AKAP13: variants seen among roughly 807,000 people sequenced by gnomAD.
AKAP13 encodes the protein A-kinase anchor protein 13.
A neutral mutation model predicts 264.5 loss-of-function variants in AKAP13; 80 were observed. That is an observed-to-expected ratio of 0.30 (90% CI 0.25 to 0.36). The LOEUF (loss-of-function observed/expected upper bound fraction) is 0.36, where lower values mean the gene tolerates loss of function less well. Among genes scored for constraint, AKAP13 ranks in the 10% least tolerant of loss-of-function variants. The pLI, the probability that AKAP13 is intolerant of heterozygous loss-of-function variation, is 1.00. For missense variants in AKAP13, 3,712 were observed against 3,435.2 expected, an observed-to-expected ratio of 1.08 and a Z score of -2.01; for synonymous variants, 1,380 against 1,250.2, an observed-to-expected ratio of 1.10 and a Z score of -2.19.
chr15:85,427,101 G>A (rs2072820894), intron 1 of AKAP13, among the ~76,000 whole-genome samples: 1 of 151,586 alleles, frequency 6.6e-6, no homozygotes, highest in Non-Finnish European at 1.5e-5. Context: ...GACTACAGGC[G>A]CCCACCACCA....
chr15:85,394,353 G>A (rs531822760), intron 1 of AKAP13, among the ~76,000 whole-genome samples: 2 of 152,284 alleles, frequency 1.3e-5, no homozygotes, highest in South Asian at 2.1e-4. Flanking sequence ...CAGAAGACAG[G>A]GTGGAATGGT....
At chr15:85,697,263 A>G (rs1026379817) in intron 17 of AKAP13, among the ~76,000 whole-genome samples, 38 of 152,180 alleles carry the variant, frequency 2.5e-4, no homozygotes, top group African/African-American at 7.5e-4. Context: ...ATGTACAAGC[A>G]AGAGATGTTG....
At chr15:85,493,460 A>G (rs902890835) in intron 2 of AKAP13, among the ~76,000 whole-genome samples, 1 of 152,202 alleles carries the variant, frequency 6.6e-6, no homozygotes, top group Non-Finnish European at 1.5e-5. Flanking sequence ...TGAAGGTGAT[A>G]ACCTTGTCTT....
At chr15:85,559,160 G>C (rs936202418) in intron 5 of AKAP13, among the ~76,000 whole-genome samples, 1 of 152,006 alleles carries the variant, frequency 6.6e-6, no homozygotes, top group Admixed American at 6.6e-5. Context: ...TAATTTTCAG[G>C]GGCCTGTGTT....
At chr15:85,556,447 C>G (rs1040537239) in intron 5 of AKAP13, among the ~76,000 whole-genome samples, 2 of 152,146 alleles carry the variant, frequency 1.3e-5, no homozygotes, top group African/African-American at 4.8e-5. Flanking sequence ...CATATATGGT[C>G]TATCATAGAC....
intron 1 of AKAP13, among the ~76,000 whole-genome samples, chr15:85,459,082 C>T (rs1318688178): frequency 6.6e-6 from 1 of 152,204 alleles, no homozygotes; most frequent in Non-Finnish European, 1.5e-5. Context: ...TCCCTATATC[C>T]ATCTTTCTGG....
At chr15:85,560,329 A>G (rs1472894688) in intron 5 of AKAP13, among the ~76,000 whole-genome samples, 1 of 151,596 alleles carries the variant, frequency 6.6e-6, no homozygotes, top group South Asian at 2.1e-4. Context: ...TTTTGCAAAG[A>G]GTGGGGGTGG....
rs890617224 is a variant in AKAP13 at position 85,618,653 on chromosome 15, G to A, written c.4162-20721G>A. On this transcript the variant is annotated intron_variant, in intron 8 of 36. Coordinates refer to ENST00000394518, the MANE Select transcript of AKAP13 (RefSeq NM_007200.5). Reference sequence around the variant, plus strand: ...GGGCTAGAAGGGTCTGGAATAGTAAGAAAACAGGCAAATGAAGTAGCAGAC... The same window carrying A: ...GGGCTAGAAGGGTCTGGAATAGTAAAAAAACAGGCAAATGAAGTAGCAGAC... Among the ~76,000 whole-genome samples, 30 of 152,090 alleles carry A rather than the reference G, an allele frequency of 2.0e-4. 1 individual carries two copies. The highest frequency in any genetic ancestry group is 4.4e-5 in the Non-Finnish European group (3 of 68,020).
At chr15:85,510,519 A>G (rs933089226) in intron 2 of AKAP13, among the ~76,000 whole-genome samples, 12 of 152,230 alleles carry the variant, frequency 7.9e-5, no homozygotes, top group Non-Finnish European at 1.6e-4. Context: ...TTACCTGTCA[A>G]CATGATTTCA....
At chr15:85,453,933 C>T (rs2074186373) in intron 1 of AKAP13, among the ~76,000 whole-genome samples, 1 of 152,238 alleles carries the variant, frequency 6.6e-6, no homozygotes, top group African/African-American at 2.4e-5. Context: ...CTGTGCTGTG[C>T]TGGGGCATCC....
At chr15:85,563,342 T>TG (rs1381080526) in intron 5 of AKAP13, among the ~76,000 whole-genome samples, 2 of 137,720 alleles carry the variant, frequency 1.5e-5, no homozygotes, top group Non-Finnish European at 3.1e-5. Context: ...TTTTTTTTTT[T>TG]TTTTTTTTTT....
intron 8 of AKAP13, 108 bp downstream of exon 8, chr15:85,585,931 A>G (rs2079321083): frequency 1.4e-6 from 2 of 1,412,950 alleles, no homozygotes; most frequent in Non-Finnish European, 1.9e-6. Context: ...GCAAAATAGT[A>G]TTTTCCCCCT....
At position 85,659,610 on chromosome 15, in the gene AKAP13, T is replaced by C. The variant is rs868480496; in HGVS notation, c.4799+1020T>C. 5.1e-5 allele frequency among the ~76,000 whole-genome samples: 7 copies of C among 137,512 alleles called. 1 individual carries two copies. The Middle Eastern group carries it at 0.014, about 283-fold the overall frequency. 90.2% of individuals were successfully genotyped at this position (137,512 alleles called of 152,430 possible). A position where few individuals can be genotyped will look rare whatever the true frequency, so the allele number is the denominator to read the frequency against. ...ATAAGTTTTTCAGTAGAAGGTTCTTTGGAGATACGTTTGTCTGGGTCTTTA... is the reference window on the plus strand; with the variant it reads ...ATAAGTTTTTCAGTAGAAGGTTCTTCGGAGATACGTTTGTCTGGGTCTTTA... On this transcript the variant is annotated intron_variant, in intron 12 of 36. Coordinates refer to ENST00000394518, the MANE Select transcript of AKAP13 (RefSeq NM_007200.5).
In AKAP13 at chr15:85,744,596, AT is replaced by A. The variant is rs773976594; in HGVS notation, c.8393-25del. ...TCAATGAAAGGAGCAGTTTTTCTGAATTTTTTTCATTCTTGGTTTTCACATT... is the reference window on the plus strand; with the variant it reads ...TCAATGAAAGGAGCAGTTTTTCTGAATTTTTTCATTCTTGGTTTTCACATT... On this transcript the variant is annotated intron_variant, in intron 36 of 36. Coordinates refer to ENST00000394518, the MANE Select transcript of AKAP13 (RefSeq NM_007200.5). 4.3e-6 allele frequency: 7 copies of A among 1,612,696 alleles called. No homozygotes were observed. In the African/African-American group the frequency reaches 9.4e-5, roughly 22 times the overall value.
intron 12 of AKAP13, among the ~76,000 whole-genome samples, chr15:85,659,724 G>T (rs536343784): frequency 9.0e-6 from 1 of 111,106 alleles, no homozygotes; most frequent in African/African-American, 2.8e-5. Flanking sequence ...CTGAGTTAGT[G>T]TATACATGGA....
chr15:85,674,137 C>T (rs754501806), intron 14 of AKAP13, among the ~76,000 whole-genome samples: 2 of 151,904 alleles, frequency 1.3e-5, no homozygotes, highest in Non-Finnish European at 2.9e-5. Context: ...ACCCGTTAGA[C>T]GTTTTAACTT....
chr15:85,420,292 G>C lies in AKAP13; in HGVS notation c.-12+39494G>C, dbSNP rs1011015929. 1.6e-4 allele frequency among the ~76,000 whole-genome samples: 25 copies of C among 152,062 alleles called. No individual in the cohort carries two copies. The East Asian group carries it at 4.8e-3, about 29-fold the overall frequency. ...ACAGTATTCTGATAGAGCAGCGATG[G>C]CTTCAAGACGTAGACTGTTGTCACT... is the stretch of plus-strand genomic sequence containing the variant. On this transcript the variant is annotated intron_variant, in intron 1 of 36. Transcript: ENST00000394518.
chr15:85,556,383 CATT>C lies in AKAP13; in HGVS notation c.662+12429_662+12431del, dbSNP rs532791935. ...TACAACATTATGACAGCCGTAACAT[CATT>C]GAGTGATAGGAATTTTCCAGCTGCA... On this transcript the variant is annotated intron_variant, in intron 5 of 36. Coordinates refer to ENST00000394518, the MANE Select transcript of AKAP13 (RefSeq NM_007200.5). Among the ~76,000 whole-genome samples the C allele has an allele frequency of 2.6e-4, 39 of 152,300 alleles. No individual in the cohort carries two copies. The East Asian group carries it at 6.7e-3, about 26-fold the overall frequency.
At chr15:85,552,071 A>G (rs1180683827) in intron 5 of AKAP13, among the ~76,000 whole-genome samples, 1 of 152,254 alleles carries the variant, frequency 6.6e-6, no homozygotes, top group Non-Finnish European at 1.5e-5. Context: ...CTGGAGCAGA[A>G]TATCACCAGC....
Sources: gnomAD v4.1 joint callset for allele counts (sites outside exome capture counted in the v4.1 genomes callset) on GRCh38, gnomAD v4.1.1 for gene constraint, MANE v1.5 for transcripts, NCBI Gene and HGNC (gene_info 2026-07-23, HGNC 2026-07-21) for gene names.